ZNF888: variants seen among roughly 807,000 people sequenced by gnomAD.
The protein encoded by ZNF888 is zinc finger protein 888, also known as CTD-2331H12.6.
In ZNF888, 5 loss-of-function variants were observed where a neutral mutation model predicts 7.2. The ratio of observed to expected loss-of-function variants is 0.70; its 90% CI spans 0.36 to 1.46. ZNF888 has a LOEUF of 1.46. Ranked by LOEUF, ZNF888 falls within the 40% of genes most tolerant of loss-of-function variation. ZNF888 has a pLI of 0.03. For synonymous variants in ZNF888, 240 were observed against 284.3 expected (o/e 0.84, Z 1.57); for missense variants, 716 against 858.0 (o/e 0.83, Z 2.07).
chr19:52,916,615 C>CATATATATAT (rs67843514), intron 3 of ZNF888, among the ~76,000 whole-genome samples: 4 of 131,474 alleles, frequency 3.0e-5, no homozygotes, highest in African/African-American at 1.2e-4. Flanking sequence ...TATACATATA[C>CATATATATAT]ATATATATAT....
chr19:52,909,001 C>T (rs1440540315), intron 4 of ZNF888, among the ~76,000 whole-genome samples: 4 of 151,744 alleles, frequency 2.6e-5, no homozygotes, highest in African/African-American at 4.8e-5. Context: ...AAAAAGTAGC[C>T]GGGCGTGGTC....
rs564352203 is a variant in ZNF888, at chr19:52,911,526, G to C, written c.143-3347C>G. ...GCTAATTTTTTGTATTTTTAGTAGA[G>C]ACGGGGTTTCACCATGTCAGCCAGG... On this transcript the variant is annotated intron_variant, in intron 4 of 4. Transcript: ENST00000638862. Among the ~76,000 whole-genome samples, 10 of 151,236 alleles carry C rather than the reference G, an allele frequency of 6.6e-5. No individual in the cohort carries two copies. In the East Asian group the frequency reaches 2.0e-3, roughly 31 times the overall value.
At chr19:52,922,430 T>A (rs2064832504) in intron 1 of ZNF888, among the ~76,000 whole-genome samples, 1 of 151,684 alleles carries the variant, frequency 6.6e-6, no homozygotes, top group Non-Finnish European at 1.5e-5. Flanking sequence ...TCCAAATCCC[T>A]CCTCCTCTCC....
Position 52,922,061 on chromosome 19 carries a change from T to C in ZNF888, c.-178+1308A>G, listed in dbSNP as rs183647826. On this transcript the variant is annotated intron_variant, in intron 1 of 4. Transcript: ENST00000638862. Reference sequence around the variant, plus strand: ...CAGGTGTGATGGCTCACACCTGTATTCCCAGCACTTTGGGAGGTCGAGGCA... The same window carrying C: ...CAGGTGTGATGGCTCACACCTGTATCCCCAGCACTTTGGGAGGTCGAGGCA... Among the ~76,000 whole-genome samples the C allele has an allele frequency of 5.1e-3, 775 of 151,982 alleles. 6 individuals carry two copies. Among genetic ancestry groups the C allele is most frequent in the African/African-American group, 0.018 (744 of 41,458 alleles).
rs957593133 is a variant in ZNF888, at chr19:52,906,425, GTT to G, written c.1895_1896del (p.Lys632ThrfsTer5). On this transcript the variant is annotated frameshift_variant, in exon 5 of 5. Coordinates refer to ENST00000638862, the MANE Select transcript of ZNF888 (RefSeq NM_001393938.1). LOFTEE classifies it low-confidence loss of function (END_TRUNC). ...EIHRRVHTGEKPYKCRVCDKA... is the reference protein window; with the variant it reads ...EIHRRVHTGEXPYKCRVCDKA... ...TTGTCGCAAACCCTACATTTGTATG[GTT>G]TCTCTCCAGTATGAACTCTCCTATG... 3.7e-6 allele frequency: 6 copies of G among 1,613,000 alleles called. No individual in the cohort carries two copies. The African/African-American group carries it at 8.0e-5, about 22-fold the overall frequency.
intron 3 of ZNF888, chr19:52,917,183 T>A (rs1249372718): frequency 6.5e-6 from 1 of 154,616 alleles, no homozygotes; most frequent in Non-Finnish European, 1.4e-5. Flanking sequence ...TTCCATTATA[T>A]TTATTTATTT....
At position 52,906,218 on chromosome 19, in the gene ZNF888, G is replaced by A; in HGVS notation, c.2104C>T (p.Gln702Ter). The change falls in exon 5 of 5, where the codon CAG becomes TAG. Residue 702 changes from glutamine (Q) to a stop codon, truncating the protein, a stop_gained. Transcript: ENST00000638862. LOFTEE classifies it low-confidence loss of function (END_TRUNC). ...GCCTGATGGTGAATAAGTGTTGACT[G>A]TGCACGAAAGGCTTTGCCACACTCA... is the stretch of plus-strand genomic sequence containing the variant. The part of the protein sequence containing the change: ...CSECGKAFRA[Q>*]STLIHHQAIH... 1 of 1,609,952 alleles carries A rather than the reference G, an allele frequency of 6.2e-7. No homozygotes were observed. Among genetic ancestry groups the A allele is most frequent in the South Asian group, 1.1e-5 (1 of 90,432 alleles).
rs1429972284 is a variant in ZNF888 at position 52,918,968 on chromosome 19, C to G, written c.-177-31G>C. 2 of 1,780 alleles carry G rather than the reference C, an allele frequency of 1.1e-3. 1 individual carries two copies. The allele number at this position is 1,780 out of a possible 1,614,324, so 0.1% of individuals were successfully genotyped here. ...TGAAAAAAAAAAAAAATCTCCCTCT[C>G]CCTCCCCCTCCCTCTCCCTCTCCCT... On this transcript the variant is annotated intron_variant, in intron 1 of 4. Transcript: ENST00000638862.
chr19:52,907,798 G>A lies in ZNF888; in HGVS notation c.524C>T (p.Thr175Ile). Reference protein sequence around the residue: ...KSINNASSVSTSQRISCRPKT... With the variant: ...KSINNASSVSISQRISCRPKT... ...GGGCCTACAAGAAATTCTTTGGGAT[G>A]TTGAAACTGAGGAAGCATTGTTGAT... is the stretch of plus-strand genomic sequence containing the variant. Residue 175 changes from threonine to isoleucine, a missense_variant, in exon 5 of 5, where the codon ACA (threonine) becomes ATA (isoleucine). By Grantham distance (89) the Thr-to-Ile change is moderately conservative. Around this residue, in one of 2 missense-constraint regions of ZNF888, gnomAD observed 697 missense variants for 803.4 expected, o/e 0.87. Transcript: ENST00000638862. 3 of 1,614,160 alleles carry A rather than the reference G, an allele frequency of 1.9e-6. No homozygotes were observed. Among genetic ancestry groups the A allele is most frequent in the Middle Eastern group, 3.3e-4 (2 of 6,062 alleles).
rs748598542 is a variant in ZNF888 at position 52,908,158 on chromosome 19, A to G, written c.164T>C (p.Met55Thr). The G allele has an allele frequency of 3.1e-6, 5 of 1,613,970 alleles. No individual in the cohort carries two copies. The South Asian group carries it at 4.4e-5, about 14-fold the overall frequency. Residue 55 changes from methionine to threonine, a missense_variant, in exon 5 of 5, where the codon ATG (methionine) becomes ACG (threonine). By Grantham distance (81) the Met-to-Thr change is moderately conservative. This residue lies in a region of ZNF888 where 697 missense variants were observed against 803.4 expected (regional missense o/e 0.87). Transcript: ENST00000638862. ...GCCTTTCCCTATTGATGAGAACTCC[A>G]TCATGCATTTGGAAGAGATATCTAC... ...VSLDISSKCM[M>T]EFSSIGKGNT... is the part of the protein sequence containing the mutation.
intron 1 of ZNF888, among the ~76,000 whole-genome samples, chr19:52,921,945 G>A (rs1292502383): frequency 1.3e-5 from 2 of 152,192 alleles, no homozygotes; most frequent in East Asian, 3.9e-4. Flanking sequence ...AGAAAAGAAA[G>A]AAAGAAAGAA....
At chr19:52,915,680 T>G (rs2147933169) in intron 3 of ZNF888, among the ~76,000 whole-genome samples, 1 of 152,184 alleles carries the variant, frequency 6.6e-6, no homozygotes, top group South Asian at 2.1e-4. Context: ...TTTCACCATG[T>G]TGGCCAGGAT....
Position 52,919,933 on chromosome 19 carries a change from G to A in ZNF888, c.-177-996C>T, listed in dbSNP as rs1229683851. ...AGCCCCTCCGTCCGGCAGCCACCCC[G>A]TCTGGGAAGTGAGGAGCCCCTCTGC... On this transcript the variant is annotated intron_variant, in intron 1 of 4. Transcript: ENST00000638862. Among the ~76,000 whole-genome samples, 9 of 50,828 alleles carry A rather than the reference G, an allele frequency of 1.8e-4. 1 individual carries two copies. Among genetic ancestry groups the A allele is most frequent in the African/African-American group, 2.9e-4 (4 of 13,774 alleles). 33.3% of individuals were successfully genotyped at this position (50,828 alleles called of 152,430 possible). A position where few individuals can be genotyped will look rare whatever the true frequency, so the allele number is the denominator to read the frequency against.
At chr19:52,916,615 C>CATATACATATACATATAT (rs374760326) in intron 3 of ZNF888, among the ~76,000 whole-genome samples, 316 of 131,390 alleles carry the variant, frequency 2.4e-3, no homozygotes, top group African/African-American at 9.1e-3. Flanking sequence ...TATACATATA[C>CATATACATATACATATAT]ATATATATAT....
At position 52,921,602 on chromosome 19, in the gene ZNF888, C is replaced by T. The variant is rs562708897; in HGVS notation, c.-178+1767G>A. On this transcript the variant is annotated intron_variant, in intron 1 of 4. Coordinates refer to ENST00000638862, the MANE Select transcript of ZNF888 (RefSeq NM_001393938.1). The stretch of plus-strand genomic sequence containing the variant: ...AGGTTCTGATGCCATTAATTCCTAA[C>T]ATTTAATTTTTCCTTACAAGAAAAT... 66 of 933,134 alleles carry T rather than the reference C, an allele frequency of 7.1e-5. No homozygotes were observed. In the African/African-American group the frequency reaches 1.2e-3, roughly 17 times the overall value. The allele number at this position is 933,134 out of a possible 1,614,324, so 57.8% of individuals were successfully genotyped here. A position where few individuals can be genotyped will look rare whatever the true frequency, so the allele number is the denominator to read the frequency against.
intron 1 of ZNF888, among the ~76,000 whole-genome samples, chr19:52,922,500 A>G (rs1164704215): frequency 6.6e-6 from 1 of 151,694 alleles, no homozygotes; most frequent in African/African-American, 2.4e-5. Context: ...TCTGTCCTTC[A>G]TCTCTCTGTA....
intron 4 of ZNF888, among the ~76,000 whole-genome samples, chr19:52,908,844 CAA>C (rs11326533): frequency 0.013 from 1,075 of 81,238 alleles, 11 homozygotes; most frequent in African/African-American, 0.044. Context: ...AGACTCGAGT[CAA>C]AAAAAAAAAA....
chr19:52,908,018 C>T lies in ZNF888; in HGVS notation c.304G>A (p.Glu102Lys). 1 of 1,614,092 alleles carries T rather than the reference C, an allele frequency of 6.2e-7. No homozygotes were observed. Among genetic ancestry groups the T allele is most frequent in the Non-Finnish European group, 8.5e-7 (1 of 1,179,994 alleles). The part of the protein sequence containing the change: ...DIHDFVFQWQ[E>K]DETNGHEAPM... ...GCTTCATGGCCATTTGTTTCATCTT[C>T]TTGCCACTGAAACACAAAGTCATGA... is the stretch of plus-strand genomic sequence containing the variant. Residue 102 changes from glutamate to lysine, a missense_variant, in exon 5 of 5, where the codon GAA becomes AAA. By Grantham distance (56) the Glu-to-Lys change is moderately conservative. Coordinates refer to ENST00000638862, the MANE Select transcript of ZNF888 (RefSeq NM_001393938.1).
rs1379644236 is a variant in ZNF888, at chr19:52,914,202, T to C, written c.142+994A>G. 6 of 232,566 alleles carry C rather than the reference T, an allele frequency of 2.6e-5. No homozygotes were observed. In the East Asian group the frequency reaches 1.1e-3, roughly 42 times the overall value. The allele number at this position is 232,566 out of a possible 1,614,324, so 14.4% of individuals were successfully genotyped here. On this transcript the variant is annotated intron_variant, in intron 4 of 4. Transcript: ENST00000638862. The stretch of plus-strand genomic sequence containing the variant: ...AAGATCTCAGGATTGAAACTTTCCT[T>C]TACCCACAGAATTCTCCCACTTGCA...
Sources: allele counts gnomAD v4.1 joint callset (sites outside exome capture counted in the v4.1 genomes callset), GRCh38; gene constraint gnomAD v4.1.1; regional missense constraint gnomAD v4.1.1; transcripts MANE v1.5; gene names NCBI Gene and HGNC (gene_info 2026-07-23, HGNC 2026-07-21).